Variants in FBLN5 observed in about 807,000 individuals in gnomAD.
The protein encoded by FBLN5 is fibulin 5.
Under a neutral mutation model 61.6 loss-of-function variants are expected in FBLN5, and 24 were observed. The observed-to-expected ratio is 0.39, with a 90% CI of 0.28 to 0.55. FBLN5 has a LOEUF of 0.55. Ranked by LOEUF, FBLN5 falls within the 20% of genes least tolerant of loss-of-function variation. The pLI, the probability that FBLN5 is intolerant of heterozygous loss-of-function variation, is 0.65. For synonymous variants in FBLN5, 213 were observed against 219.8 expected (o/e 0.97, Z 0.27); for missense variants, 470 against 594.1 (o/e 0.79, Z 2.17).
At chr14:91,883,467 G>T (rs1889572211) in intron 7 of FBLN5, among the ~76,000 whole-genome samples, 1 of 151,768 alleles carries the variant, frequency 6.6e-6, no homozygotes, top group South Asian at 2.1e-4. Flanking sequence ...TTTTCTGGGG[G>T]TTTCCCAAAA....
chr14:91,922,647 G>A (rs192745456), intron 4 of FBLN5, among the ~76,000 whole-genome samples: 3 of 152,336 alleles, frequency 2.0e-5, no homozygotes, highest in Admixed American at 2.0e-4. Context: ...GGAGGTCTGA[G>A]GTCTGAGGTG....
In FBLN5 at chr14:91,891,305, G is replaced by T. The variant is rs746858572; in HGVS notation, c.535C>A (p.Gln179Lys). Residue 179 changes from glutamine (Q) to lysine (K), a missense_variant, in exon 6 of 11, where the codon CAG (glutamine) becomes AAG (lysine). Physicochemically the swap from Gln to Lys is moderately conservative, Grantham distance 53. Transcript: ENST00000342058. ...GATCCAGGAACATTCGCACAGAGCT[G>T]CTGGCAGTAACCATAGCGACATTCA... ...IDECRYGYCQ[Q>K]LCANVPGSYS... 2 of 1,613,766 alleles carry T rather than the reference G, an allele frequency of 1.2e-6. No individual in the cohort carries two copies. The highest frequency in any genetic ancestry group is 1.7e-6 in the Non-Finnish European group (2 of 1,179,650).
chr14:91,884,736 G>C (rs569710787), intron 7 of FBLN5, among the ~76,000 whole-genome samples: 4 of 152,346 alleles, frequency 2.6e-5, no homozygotes, highest in African/African-American at 9.6e-5. Context: ...CCTGAGGTTG[G>C]GGCAAGCACC....
At chr14:91,884,951 T>A (rs909967825) in intron 7 of FBLN5, among the ~76,000 whole-genome samples, 2 of 152,188 alleles carry the variant, frequency 1.3e-5, no homozygotes, top group Non-Finnish European at 2.9e-5. Context: ...TAGGCCACTT[T>A]CACTCCTCCA....
At chr14:91,905,043 G>C (rs1451816197) in intron 4 of FBLN5, among the ~76,000 whole-genome samples, 1 of 152,172 alleles carries the variant, frequency 6.6e-6, no homozygotes, top group African/African-American at 2.4e-5. Flanking sequence ...TATTTTTCAA[G>C]CTGGCCGTGA....
chr14:91,880,526 C>CGT (rs140201135), intron 9 of FBLN5, among the ~76,000 whole-genome samples: 10,861 of 147,458 alleles, frequency 0.074, 408 homozygotes, highest in South Asian at 0.14. Context: ...AGTGTGCGTG[C>CGT]GTGTGTGTGT....
chr14:91,896,931 G>C (rs1375491448), intron 4 of FBLN5, among the ~76,000 whole-genome samples: 1 of 152,130 alleles, frequency 6.6e-6, no homozygotes, highest in African/African-American at 2.4e-5. Flanking sequence ...TGTAGCATAG[G>C]GCTTTGTGAG....
At chr14:91,890,698 A>G (rs1319261985) in intron 6 of FBLN5, among the ~76,000 whole-genome samples, 1 of 152,152 alleles carries the variant, frequency 6.6e-6, no homozygotes, top group East Asian at 1.9e-4. Flanking sequence ...GGATGTTACC[A>G]CCACCACCAG....
At chr14:91,897,027 C>A (rs1055429339) in intron 4 of FBLN5, among the ~76,000 whole-genome samples, 5 of 152,110 alleles carry the variant, frequency 3.3e-5, no homozygotes, top group Non-Finnish European at 5.9e-5. Context: ...CTGCAACAGC[C>A]CAACACTAAC....
chr14:91,891,965 A>G (rs949430869), intron 5 of FBLN5, among the ~76,000 whole-genome samples: 2 of 152,218 alleles, frequency 1.3e-5, no homozygotes, highest in African/African-American at 4.8e-5. Context: ...GGGCACTGGA[A>G]TTCACCCTGA....
At chr14:91,933,957 C>A (rs28424272) in intron 4 of FBLN5, among the ~76,000 whole-genome samples, 1 of 151,806 alleles carries the variant, frequency 6.6e-6, no homozygotes, top group Non-Finnish European at 1.5e-5. Context: ...CAAAAAAATA[C>A]AAAAATAAGC....
chr14:91,889,649 A>G (rs896653037), intron 6 of FBLN5, among the ~76,000 whole-genome samples: 1 of 152,176 alleles, frequency 6.6e-6, no homozygotes, highest in African/African-American at 2.4e-5. Context: ...AGACGTGACA[A>G]TGCTCTAGCG....
chr14:91,911,413 T>C (rs1170793935), intron 4 of FBLN5, among the ~76,000 whole-genome samples: 1 of 152,216 alleles, frequency 6.6e-6, no homozygotes, highest in Non-Finnish European at 1.5e-5. Flanking sequence ...GAATCACACA[T>C]AACTAAAGCT....
At chr14:91,926,746 T>G (rs1407571168) in intron 4 of FBLN5, among the ~76,000 whole-genome samples, 1 of 144,998 alleles carries the variant, frequency 6.9e-6, no homozygotes. Flanking sequence ...GCTGCTCCTG[T>G]GAGATAAAGA....
At chr14:91,928,298 T>A (rs932120020) in intron 4 of FBLN5, among the ~76,000 whole-genome samples, 1 of 152,242 alleles carries the variant, frequency 6.6e-6, no homozygotes, top group Non-Finnish European at 1.5e-5. Context: ...GCAGGAAACC[T>A]GAGAAATCAT....
intron 4 of FBLN5, among the ~76,000 whole-genome samples, chr14:91,919,195 G>A (rs1249560566): frequency 6.6e-6 from 1 of 151,926 alleles, no homozygotes; most frequent in African/African-American, 2.4e-5. Context: ...GCTGGGCATG[G>A]TGGCATGCAC....
chr14:91,892,297 T>C (rs981325186), intron 5 of FBLN5, among the ~76,000 whole-genome samples: 1 of 152,182 alleles, frequency 6.6e-6, no homozygotes, highest in Non-Finnish European at 1.5e-5. Context: ...GACCAGTTGA[T>C]CTGACTGTAG....
intron 4 of FBLN5, among the ~76,000 whole-genome samples, chr14:91,926,203 A>G (rs570617307): frequency 2.6e-4 from 40 of 152,242 alleles, no homozygotes; most frequent in Admixed American, 5.2e-4. Context: ...ATGAAAGACA[A>G]GAGCCTGTGG....
intron 4 of FBLN5, among the ~76,000 whole-genome samples, chr14:91,935,491 G>A (rs1033682124): frequency 6.6e-6 from 1 of 152,168 alleles, no homozygotes; most frequent in African/African-American, 2.4e-5. Flanking sequence ...GTGACATCCT[G>A]GAAGAGCAGC....
Sources: allele counts gnomAD v4.1 joint callset (sites outside exome capture counted in the v4.1 genomes callset), GRCh38; gene constraint gnomAD v4.1.1; transcripts MANE v1.5; gene names NCBI Gene and HGNC (gene_info 2026-07-23, HGNC 2026-07-21).